HCN2: variants seen among roughly 807,000 people sequenced by gnomAD.
HCN2 encodes the protein potassium/sodium hyperpolarization-activated cyclic nucleotide-gated channel 2.
A neutral mutation model predicts 52.3 loss-of-function variants in HCN2; 20 were observed. That is an observed-to-expected ratio of 0.38 (90% CI 0.27 to 0.56). HCN2 has a LOEUF of 0.56. HCN2 is among the 20% of genes least tolerant of loss of function. The pLI is 0.71. For synonymous variants in HCN2, 694 were observed against 537.0 expected, an observed-to-expected ratio of 1.29 and a Z score of -4.04; for missense variants, 981 against 1,207.7, an observed-to-expected ratio of 0.81 and a Z score of 2.78.
At chr19:608,436 C>G (rs987621916) in intron 4 of HCN2, among the ~76,000 whole-genome samples, 2 of 152,218 alleles carry the variant, frequency 1.3e-5, no homozygotes, top group East Asian at 1.9e-4. Flanking sequence ...CACTCAGCTT[C>G]AAGTGGCGCG....
chr19:614,318 G>C (rs958765528), intron 7 of HCN2, among the ~76,000 whole-genome samples: 1 of 152,190 alleles, frequency 6.6e-6, no homozygotes, highest in African/African-American at 2.4e-5. Flanking sequence ...GAATGCACAG[G>C]GTGTTTGCGG....
chr19:613,775 G>A (rs941970552), intron 6 of HCN2, 77 bp from the exon 7 acceptor site: 14 of 1,388,676 alleles, frequency 1.0e-5, no homozygotes, highest in Non-Finnish European at 1.3e-5. Flanking sequence ...AGGTGCAGAG[G>A]CCGGGCCGTG....
chr19:604,035 A>G (rs1983311025), intron 2 of HCN2, 68 bp downstream of exon 2: 1 of 997,650 alleles, frequency 1.0e-6, no homozygotes, highest in Admixed American at 2.6e-5. Context: ...GGCGGGGCCA[A>G]GGCAGCAGGG....
rs1376661915 is a variant in HCN2, at chr19:603,892, C to T, written c.981C>T (p.Arg327=). 1 of 1,612,264 alleles carries T rather than the reference C, an allele frequency of 6.2e-7. No individual in the cohort carries two copies. Residue 327 remains arginine (R), a synonymous_variant, in exon 2 of 8, where the codon CGC becomes CGT. Transcript: ENST00000251287. ...YKTARALRIV[R]FTKILSLLRL... is the part of the protein sequence containing the mutation. ...CGGCACGCGCCCTGCGCATCGTGCG[C>T]TTCACCAAGATCCTCAGCCTCCTGC...
intron 3 of HCN2, among the ~76,000 whole-genome samples, chr19:607,338 C>G (rs1001863642): frequency 6.6e-6 from 1 of 152,216 alleles, no homozygotes; most frequent in Non-Finnish European, 1.5e-5. Flanking sequence ...CCCCAGCGTC[C>G]AGCCACATAT....
intron 1 of HCN2, among the ~76,000 whole-genome samples, chr19:594,353 G>C (rs996821266): frequency 1.3e-5 from 2 of 152,048 alleles, no homozygotes. Flanking sequence ...GACTGCCCTC[G>C]GTCCAGTTCC....
At chr19:608,511 G>A (rs12980310) in intron 4 of HCN2, among the ~76,000 whole-genome samples, 38,403 of 151,234 alleles carry the variant, frequency 0.25, 5,164 homozygotes, top group East Asian at 0.42. Flanking sequence ...TGATTAGGAG[G>A]AGAAACGGCC....
rs1029364684 is a variant in HCN2, at chr19:616,189, C to T, written c.2385C>T (p.Tyr795=). The T allele has an allele frequency of 5.0e-5, 49 of 979,862 alleles. 1 individual carries two copies. The highest frequency in any genetic ancestry group is 5.0e-4 in the African/African-American group (28 of 56,316). 60.7% of individuals were successfully genotyped at this position (979,862 alleles called of 1,614,324 possible). Residue 795 remains tyrosine (Y), a synonymous_variant, in exon 8 of 8, where the codon TAC becomes TAT. Transcript: ENST00000251287. The part of the protein sequence containing the change: ...ASPRAPRTSP[Y]GGLPAAPLAG... ...CCCGGGCACCGCGGACCTCGCCCTA[C>T]GGCGGCCTGCCCGCCGCCCCCCTTG... is the stretch of plus-strand genomic sequence containing the variant.
At chr19:605,894 G>T (rs1310716060) in intron 3 of HCN2, among the ~76,000 whole-genome samples, 1 of 152,102 alleles carries the variant, frequency 6.6e-6, no homozygotes, top group African/African-American at 2.4e-5. Flanking sequence ...CCTCTTTACA[G>T]AGGGGGACCC....
At chr19:593,344 C>T (rs567080309) in intron 1 of HCN2, among the ~76,000 whole-genome samples, 6 of 152,308 alleles carry the variant, frequency 3.9e-5, no homozygotes, top group South Asian at 2.1e-4. Flanking sequence ...TGCCAGGGTG[C>T]AGCGGCTCAC....
intron 1 of HCN2, among the ~76,000 whole-genome samples, chr19:599,623 C>CA (rs78398568): frequency 0.045 from 5,714 of 127,530 alleles, 156 homozygotes; most frequent in Middle Eastern, 0.11. Flanking sequence ...ACTAAAAATA[C>CA]AAAAAAAAAA....
intron 6 of HCN2, 132 bp from the exon 7 acceptor site, chr19:613,720 G>GCTGGCACCGGCA (rs1335758122): frequency 4.4e-6 from 2 of 458,630 alleles, no homozygotes; most frequent in Middle Eastern, 9.0e-4. Context: ...TGGGGCCGGG[G>GCTGGCACCGGCA]CCGGCACCAG....
chr19:616,582 A>AGACG lies in HCN2; in HGVS notation c.*109_*112dup, dbSNP rs1983942149. ...GGCCGCCAGTCCGCCCAGAAGCCAT[A>AGACG]GACGAGACGTAGGTAGCCGTAGTTG... is the stretch of plus-strand genomic sequence containing the variant. On this transcript the variant is annotated 3_prime_UTR_variant, in exon 8 of 8. Coordinates refer to ENST00000251287, the MANE Select transcript of HCN2 (RefSeq NM_001194.4). 43 of 653,996 alleles carry AGACG rather than the reference A, an allele frequency of 6.6e-5. No individual in the cohort carries two copies. The South Asian group carries it at 2.7e-3, about 40-fold the overall frequency. 40.5% of individuals were successfully genotyped at this position (653,996 alleles called of 1,614,324 possible). A position where few individuals can be genotyped will look rare whatever the true frequency, so the allele number is the denominator to read the frequency against.
intron 4 of HCN2, 73 bp from the exon 5 acceptor site, chr19:610,186 G>A (rs554729436): frequency 1.9e-6 from 3 of 1,546,896 alleles, no homozygotes; most frequent in Non-Finnish European, 2.6e-6. Flanking sequence ...CCTCCCCACA[G>A]TACAAGCAGG....
At chr19:613,207 G>A (rs1256283380) in intron 5 of HCN2, 41 bp from the exon 6 acceptor site, 2 of 1,571,166 alleles carry the variant, frequency 1.3e-6, no homozygotes, top group Non-Finnish European at 1.7e-6. Flanking sequence ...GGAAGCGGGA[G>A]TGGGGTCCGC....
chr19:612,158 G>GCTCGA (rs1345761199), intron 5 of HCN2, among the ~76,000 whole-genome samples: 24 of 150,552 alleles, frequency 1.6e-4, no homozygotes, highest in African/African-American at 5.7e-4. Flanking sequence ...AAAAAAAAAA[G>GCTCGA]TACCAAAAAG....
At position 608,031 on chromosome 19, in the gene HCN2, G is replaced by C; in HGVS notation, c.1286G>C (p.Gly429Ala). ...FKAMSHMLCI[G>A]YGRQAPESMT... ...GCCATGAGCCACATGCTGTGCATCGGGTACGGCCGGCAGGCGCCCGAGAGC... is the reference window on the plus strand; with the variant it reads ...GCCATGAGCCACATGCTGTGCATCGCGTACGGCCGGCAGGCGCCCGAGAGC... The change falls in exon 4 of 8, where the codon GGG (glycine) becomes GCG (alanine). Residue 429 changes from glycine to alanine, a missense_variant. By Grantham distance (60) the Gly-to-Ala change is moderately conservative. Transcript: ENST00000251287. 1 of 1,613,092 alleles carries C rather than the reference G, an allele frequency of 6.2e-7. No homozygotes were observed. The highest frequency in any genetic ancestry group is 1.7e-4 in the Middle Eastern group (1 of 5,854).
rs1983627186 is a variant in HCN2, at chr19:611,314, T to C, written c.1584+909T>C. Reference sequence around the variant, plus strand: ...AAGCGGGGCCTAGGGATGGCGGCCGTGATCACGCAGGCAGCAGAGAGCAGC... The same window carrying C: ...AAGCGGGGCCTAGGGATGGCGGCCGCGATCACGCAGGCAGCAGAGAGCAGC... On this transcript the variant is annotated intron_variant, in intron 5 of 7. Transcript: ENST00000251287. Among the ~76,000 whole-genome samples the C allele has an allele frequency of 2.6e-5, 4 of 152,132 alleles. No individual in the cohort carries two copies. The South Asian group carries it at 8.3e-4, about 32-fold the overall frequency.
chr19:608,725 C>T (rs1009838827), intron 4 of HCN2, among the ~76,000 whole-genome samples: 1 of 152,016 alleles, frequency 6.6e-6, no homozygotes, highest in East Asian at 1.9e-4. Flanking sequence ...CTGGGGGTCT[C>T]TAGGCCGGCT....
Sources: gnomAD v4.1 joint callset for allele counts (sites outside exome capture counted in the v4.1 genomes callset) on GRCh38, gnomAD v4.1.1 for gene constraint, MANE v1.5 for transcripts, NCBI Gene and HGNC (gene_info 2026-07-23, HGNC 2026-07-21) for gene names.